TGM7: variants seen among roughly 807,000 people sequenced by gnomAD.
TGM7 encodes protein-glutamine gamma-glutamyltransferase Z.
A neutral mutation model predicts 79.5 loss-of-function variants in TGM7; 74 were observed. The ratio of observed to expected loss-of-function variants is 0.93; its 90% CI spans 0.77 to 1.13. The LOEUF (loss-of-function observed/expected upper bound fraction) is 1.13, where lower values mean the gene tolerates loss of function less well. Among genes scored for constraint, TGM7 ranks in the 50% most tolerant of loss-of-function variants. TGM7 has a pLI of 0.00. For missense variants in TGM7, 912 were observed against 905.9 expected (o/e 1.01, Z -0.09); for synonymous variants, 354 against 362.5 (o/e 0.98, Z 0.27).
At chr15:43,290,902 C>T (rs367916171) in intron 4 of TGM7, among the ~76,000 whole-genome samples, 2 of 152,142 alleles carry the variant, frequency 1.3e-5, no homozygotes, top group Non-Finnish European at 1.5e-5. Flanking sequence ...GTGATTTTTG[C>T]ACATTGATTT....
At chr15:43,277,986 C>T (rs1296458988) in intron 11 of TGM7, among the ~76,000 whole-genome samples, 4 of 152,260 alleles carry the variant, frequency 2.6e-5, no homozygotes, top group Admixed American at 6.5e-5. Flanking sequence ...TTCAGGTACA[C>T]GGCAGGGCCC....
intron 2 of TGM7, 27 bp downstream of exon 2, chr15:43,293,422 C>A (rs774297649): frequency 1.9e-6 from 3 of 1,561,228 alleles, no homozygotes; most frequent in Admixed American, 3.6e-5. Flanking sequence ...ACGGAACCTG[C>A]GGGGCCTTGG....
chr15:43,279,247 C>T lies in TGM7; in HGVS notation c.1709G>A (p.Ser570Asn). ...ETQWPLLLPY[S>N]NYRNKLTDEK... ...GTCCGTTAGCTTGTTTCTGTAATTG[C>T]TGTAGGGCAGGAGGAGCGGCCACTG... Residue 570 changes from serine to asparagine, a missense_variant, in exon 11 of 13, where the codon AGC becomes AAC. Physicochemically the swap from Ser to Asn is conservative, Grantham distance 46. Transcript: ENST00000452443. 6.2e-7 allele frequency: 1 copy of T among 1,614,102 alleles called. No homozygotes were observed. The highest frequency in any genetic ancestry group is 8.5e-7 in the Non-Finnish European group (1 of 1,180,012).
In TGM7 at chr15:43,287,782, G is replaced by T. The variant is rs2042943679; in HGVS notation, c.559-113C>A. The T allele has an allele frequency of 1.2e-5, 15 of 1,233,018 alleles. No homozygotes were observed. The South Asian group carries it at 1.5e-4, about 12-fold the overall frequency. 76.4% of individuals were successfully genotyped at this position (1,233,018 alleles called of 1,614,324 possible). On this transcript the variant is annotated intron_variant, in intron 4 of 12. Transcript: ENST00000452443. ...GCATGTATATGGGGATGTGGGGGCA[G>T]GGGGAGGGCGCTAAATATAAGACAA...
At chr15:43,284,363 T>A (rs905888785) in intron 7 of TGM7, among the ~76,000 whole-genome samples, 1 of 149,262 alleles carries the variant, frequency 6.7e-6, no homozygotes, top group Non-Finnish European at 1.5e-5. Flanking sequence ...CACACACGCA[T>A]GCATATACAT....
Position 43,287,392 on chromosome 15 carries a change from G to C in TGM7, c.753C>G (p.Val251=). Residue 251 remains valine (V), a synonymous_variant, in exon 6 of 13, where the codon GTC becomes GTG. Transcript: ENST00000452443. ...CACTGCCCTTCCACTCCAGAGGACT[G>C]ACCCCTTTGGAGTAGTCCTCGCCCC... is the stretch of plus-strand genomic sequence containing the variant. ...GNWGEDYSKG[V]SPLEWKGSVA... 6.2e-7 allele frequency: 1 copy of C among 1,614,116 alleles called. No individual in the cohort carries two copies. The highest frequency in any genetic ancestry group is 8.5e-7 in the Non-Finnish European group (1 of 1,179,978).
intron 6 of TGM7, among the ~76,000 whole-genome samples, chr15:43,286,243 C>T (rs2042935127): frequency 1.3e-5 from 2 of 152,266 alleles, no homozygotes; most frequent in South Asian, 4.1e-4. Context: ...GGGGCAGCTC[C>T]CCCAGTGCGC....
intron 1 of TGM7, among the ~76,000 whole-genome samples, chr15:43,300,977 C>T (rs2043022646): frequency 6.6e-6 from 1 of 152,004 alleles, no homozygotes; most frequent in Non-Finnish European, 1.5e-5. Flanking sequence ...ATTTATATCT[C>T]TATTTTTATT....
chr15:43,276,415 T>C lies in TGM7; in HGVS notation c.*40A>G, dbSNP rs2042877267. On this transcript the variant is annotated 3_prime_UTR_variant, in exon 13 of 13. Coordinates refer to ENST00000452443, the MANE Select transcript of TGM7 (RefSeq NM_052955.3). ...TAGCCAGGAGTAGAAAGGAGCCAGG[T>C]GGGGCAGGGGTGCCAGGGAGGGCAG... 6.3e-7 allele frequency: 1 copy of C among 1,586,986 alleles called. No homozygotes were observed. The highest frequency in any genetic ancestry group is 8.6e-7 in the Non-Finnish European group (1 of 1,166,886).
At position 43,281,879 on chromosome 15, in the gene TGM7, C is replaced by T. The variant is rs568269905; in HGVS notation, c.1316G>A (p.Arg439His). ...CTTGTAGGAGCTGGTGATGCTCTGGCGCTGGTCTGACCCCACCATCTTAGT... is the reference window on the plus strand; with the variant it reads ...CTTGTAGGAGCTGGTGATGCTCTGGTGCTGGTCTGACCCCACCATCTTAGT... ...ISTKMVGSDQ[R>H]QSITSSYKYP... Residue 439 changes from arginine (R) to histidine (H), a missense_variant, in exon 9 of 13, where the codon CGC becomes CAC. Coordinates refer to ENST00000452443, the MANE Select transcript of TGM7 (RefSeq NM_052955.3). 1.7e-5 allele frequency: 27 copies of T among 1,614,186 alleles called. No individual in the cohort carries two copies. The highest frequency in any genetic ancestry group is 4.0e-5 in the African/African-American group (3 of 75,046).
At chr15:43,299,106 A>T (rs905458735) in intron 1 of TGM7, among the ~76,000 whole-genome samples, 1 of 152,248 alleles carries the variant, frequency 6.6e-6, no homozygotes, top group South Asian at 2.1e-4. Context: ...TGGTGAAATT[A>T]TTGGAAATTT....
chr15:43,278,036 G>T (rs956478829), intron 11 of TGM7, among the ~76,000 whole-genome samples: 7 of 152,252 alleles, frequency 4.6e-5, no homozygotes, highest in African/African-American at 1.7e-4. Flanking sequence ...TTGCAGTTCT[G>T]CCCACTGTTT....
At chr15:43,276,684 C>T (rs1266274444) in intron 12 of TGM7, 70 bp from the exon 13 acceptor site, 22 of 1,562,760 alleles carry the variant, frequency 1.4e-5, no homozygotes, top group Admixed American at 1.8e-5. Context: ...TCTGGTTCCC[C>T]TCTGGGTGGG....
At chr15:43,299,722 C>A (rs949505530) in intron 1 of TGM7, among the ~76,000 whole-genome samples, 1 of 152,208 alleles carries the variant, frequency 6.6e-6, no homozygotes, top group African/African-American at 2.4e-5. Flanking sequence ...AGCTTCTTTT[C>A]TCTTTCCATT....
chr15:43,299,954 GC>G (rs2043018041), intron 1 of TGM7, among the ~76,000 whole-genome samples: 1 of 152,084 alleles, frequency 6.6e-6, no homozygotes, highest in Non-Finnish European at 1.5e-5. Flanking sequence ...AGCATTCCAA[GC>G]CCTTCACAAT....
chr15:43,296,303 T>C (rs959926076), intron 1 of TGM7, among the ~76,000 whole-genome samples: 2 of 151,486 alleles, frequency 1.3e-5, no homozygotes, highest in African/African-American at 4.8e-5. Flanking sequence ...CGGGCACCTG[T>C]AATCTCAGCT....
chr15:43,289,526 G>C (rs1383207039), intron 4 of TGM7, among the ~76,000 whole-genome samples: 1 of 152,090 alleles, frequency 6.6e-6, no homozygotes, highest in African/African-American at 2.4e-5. Context: ...ATAAACATAC[G>C]TGTGCATGTG....
rs1566847997 is a variant in TGM7 at position 43,297,629 on chromosome 15, GAA to G, written c.11-4000_11-3999del. On this transcript the variant is annotated intron_variant, in intron 1 of 12. Coordinates refer to ENST00000452443, the MANE Select transcript of TGM7 (RefSeq NM_052955.3). ...AGAAAGAAAGAAAGAAAGAAAGAAA[GAA>G]AGAAAAAGAAAGAAAGAAAAAGACA... Among the ~76,000 whole-genome samples, 349 of 147,986 alleles carry G rather than the reference GAA, an allele frequency of 2.4e-3. 4 individuals carry two copies. The highest frequency in any genetic ancestry group is 8.5e-3 in the East Asian group (43 of 5,068).
At chr15:43,279,534 G>T in intron 10 of TGM7, 91 bp downstream of exon 10, 2 of 1,430,740 alleles carry the variant, frequency 1.4e-6, no homozygotes, top group Non-Finnish European at 9.4e-7. Context: ...GAAGGGGTCT[G>T]TGTGTAATCT....
Sources: gnomAD v4.1 joint callset for allele counts (sites outside exome capture counted in the v4.1 genomes callset) on GRCh38, gnomAD v4.1.1 for gene constraint, MANE v1.5 for transcripts, NCBI Gene and HGNC (gene_info 2026-07-23, HGNC 2026-07-21) for gene names.